The following PCNT variants were observed in gnomAD, a reference collection of about 807,000 sequenced individuals.
PCNT encodes the protein pericentrin, also known as kendrin.
PCNT carries 319 observed loss-of-function variants against 380.4 expected under a neutral mutation model. The observed-to-expected ratio is 0.84, with a 90% CI of 0.77 to 0.92. PCNT has a LOEUF of 0.92. PCNT is among the 40% of genes least tolerant of loss of function. The probability of loss-of-function intolerance (pLI) is 0.00; values close to 1 mark genes in which losing one functional copy is unlikely to be tolerated. For synonymous variants in PCNT, 1,845 were observed against 1,735.2 expected (o/e 1.06, Z -1.57); for missense variants, 4,400 against 4,255.3 (o/e 1.03, Z -0.95).
chr21:46,421,923 C>A (rs888644092), intron 31 of PCNT, 47 bp from the exon 32 acceptor site: 10 of 1,604,186 alleles, frequency 6.2e-6, no homozygotes, highest in Non-Finnish European at 7.7e-6. Context: ...CCCTGGGGAA[C>A]CCCCTGGAGA....
chr21:46,423,652 A>G (rs1002595344), intron 32 of PCNT, among the ~76,000 whole-genome samples: 1 of 129,636 alleles, frequency 7.7e-6, no homozygotes, highest in Non-Finnish European at 1.6e-5. Context: ...CACAAAAGGC[A>G]GGAAAGGCCT....
Position 46,401,722 on chromosome 21 carries a change from G to A in PCNT, c.4962+1G>A. ...AGCACTCCTGCGGCGCGAGAGCGAG[G>A]TGAGTGCAGAGTGGGGCCATGGGAC... On this transcript the variant is annotated splice_donor_variant, in intron 26 of 46. Transcript: ENST00000359568. LOFTEE classifies it high-confidence loss of function. The A allele has an allele frequency of 6.2e-7, 1 of 1,614,050 alleles. No individual in the cohort carries two copies. Among genetic ancestry groups the A allele is most frequent in the Non-Finnish European group, 8.5e-7 (1 of 1,179,994 alleles).
intron 15 of PCNT, among the ~76,000 whole-genome samples, chr21:46,372,132 ACT>A (rs2085162561): frequency 6.7e-6 from 1 of 149,368 alleles, no homozygotes; most frequent in South Asian, 2.1e-4. Context: ...CATGCAGCAC[ACT>A]CACAGCACAT....
chr21:46,341,801 CCTGAGTAG>C (rs528855788), intron 3 of PCNT, among the ~76,000 whole-genome samples: 45 of 152,236 alleles, frequency 3.0e-4, no homozygotes, highest in Non-Finnish European at 5.9e-4. Context: ...TACTCAGCCT[CCTGAGTAG>C]CTGGGAACAC....
At chr21:46,442,466 T>G in intron 43 of PCNT, 31 bp from the exon 44 acceptor site, 1 of 1,422,306 alleles carries the variant, frequency 7.0e-7, no homozygotes. Context: ...TTGCCGTACT[T>G]TTAAGTGTGT....
At chr21:46,403,967 G>A (rs1263473238) in intron 27 of PCNT, among the ~76,000 whole-genome samples, 158 of 137,250 alleles carry the variant, frequency 1.2e-3, no homozygotes, top group Admixed American at 1.8e-3. Flanking sequence ...GGAGAATTGT[G>A]TGTGTGGTGC....
intron 21 of PCNT, among the ~76,000 whole-genome samples, chr21:46,395,677 C>G (rs919830858): frequency 1.1e-4 from 17 of 151,782 alleles, no homozygotes; most frequent in Admixed American, 4.6e-4. Context: ...CTTCAGGATT[C>G]AGCAGCAGAC....
rs768407552 is a variant in PCNT at position 46,363,726 on chromosome 21, G to C, written c.2401G>C (p.Asp801His). 9.9e-6 allele frequency: 16 copies of C among 1,614,112 alleles called. No homozygotes were observed. The highest frequency in any genetic ancestry group is 1.3e-5 in the Non-Finnish European group (15 of 1,180,056). ...LREAEMRQLQDQQAAQILDLE... is the reference protein window; with the variant it reads ...LREAEMRQLQHQQAAQILDLE... ...AGAAGCTGAAATGAGGCAGCTTCAG[G>C]ACCAACAGGCAGCCCAGATCCTGGA... Residue 801 changes from aspartate (D) to histidine (H), a missense_variant, in exon 14 of 47, where the codon GAC becomes CAC. Transcript: ENST00000359568.
At chr21:46,361,916 T>G (rs1031677626) in intron 13 of PCNT, among the ~76,000 whole-genome samples, 1 of 152,218 alleles carries the variant, frequency 6.6e-6, no homozygotes, top group Non-Finnish European at 1.5e-5. Flanking sequence ...TTCCATTGAT[T>G]GTGTTTTCTC....
chr21:46,436,003 C>G lies in PCNT; in HGVS notation c.8851C>G (p.Arg2951Gly). The change falls in exon 39 of 47, where the codon CGC becomes GGC. Residue 2951 changes from arginine to glycine, a missense_variant. Physicochemically the swap from Arg to Gly is moderately radical, Grantham distance 125. Transcript: ENST00000359568. The stretch of plus-strand genomic sequence containing the variant: ...GTCGAAGGACGAGGTGCCTGGCAGC[C>G]GCCTCCACCTAGGTTCTGCCCGCAG... ...LESKDEVPGS[R>G]LHLGSARRAA... 1.2e-6 allele frequency: 2 copies of G among 1,614,136 alleles called. No individual in the cohort carries two copies. Among genetic ancestry groups the G allele is most frequent in the Non-Finnish European group, 1.7e-6 (2 of 1,180,028 alleles).
rs1167787059 is a variant in PCNT at position 46,411,763 on chromosome 21, C to T, written c.5690C>T (p.Ala1897Val). ...HSAELEAVLL[A>V]LARIRRALEQ... ...GCCGAGCTGGAGGCCGTCCTGTTGG[C>T]CTTGGCCCGCATCCGCCGCGCCCTG... Residue 1897 changes from alanine to valine, a missense_variant, in exon 28 of 47, where the codon GCC becomes GTC. Physicochemically the swap from Ala to Val is moderately conservative, Grantham distance 64. Transcript: ENST00000359568. The T allele has an allele frequency of 6.2e-7, 1 of 1,609,454 alleles. No individual in the cohort carries two copies.
In PCNT at chr21:46,402,616, G is replaced by A. The variant is rs2086466283; in HGVS notation, c.5115+133G>A. 4.4e-6 allele frequency: 4 copies of A among 906,890 alleles called. No homozygotes were observed. The East Asian group carries it at 1.0e-4, about 23-fold the overall frequency. 56.2% of individuals were successfully genotyped at this position (906,890 alleles called of 1,614,324 possible). ...GCCCGTGGCCCCCATGTGGCAGACA[G>A]TGCAGAGAGCGCCCGATTCTGCCTG... On this transcript the variant is annotated intron_variant, in intron 27 of 46. Coordinates refer to ENST00000359568, the MANE Select transcript of PCNT (RefSeq NM_006031.6).
At chr21:46,416,942 C>G (rs141103259) in intron 30 of PCNT, 103 bp downstream of exon 30, 1 of 1,135,802 alleles carries the variant, frequency 8.8e-7, no homozygotes. Flanking sequence ...ACAGCACACA[C>G]CTCGCAGTGC....
At chr21:46,400,167 A>G (rs1451226088) in intron 25 of PCNT, among the ~76,000 whole-genome samples, 1 of 152,230 alleles carries the variant, frequency 6.6e-6, no homozygotes, top group Admixed American at 6.5e-5. Flanking sequence ...CTTTGAGCTC[A>G]GGAACTCATG....
chr21:46,352,789 T>C (rs1424379627), intron 9 of PCNT, among the ~76,000 whole-genome samples: 3 of 152,098 alleles, frequency 2.0e-5, no homozygotes, highest in Non-Finnish European at 2.9e-5. Context: ...GGGCTCGAGG[T>C]TGGTCTGGAT....
At chr21:46,412,774 C>G (rs2086831483) in intron 28 of PCNT, 63 bp from the exon 29 acceptor site, 1 of 1,583,920 alleles carries the variant, frequency 6.3e-7, no homozygotes, top group South Asian at 1.1e-5. Flanking sequence ...TCCAGGCCAC[C>G]TGAGGGGCAG....
chr21:46,354,069 G>A lies in PCNT; in HGVS notation c.1761+1G>A, dbSNP rs1396521603. 6.2e-7 allele frequency: 1 copy of A among 1,613,716 alleles called. No homozygotes were observed. Among genetic ancestry groups the A allele is most frequent in the Admixed American group, 1.7e-5 (1 of 60,014 alleles). On this transcript the variant is annotated splice_donor_variant, in intron 11 of 46. Coordinates refer to ENST00000359568, the MANE Select transcript of PCNT (RefSeq NM_006031.6). LOFTEE classifies it high-confidence loss of function. ...TGAACTCGAGCCTGAGCGACATAAG[G>A]TAATTGGCCGCGCGCTGAGAAGTGG...
At chr21:46,366,266 G>A (rs1236293615) in intron 14 of PCNT, among the ~76,000 whole-genome samples, 1 of 152,174 alleles carries the variant, frequency 6.6e-6, no homozygotes, top group African/African-American at 2.4e-5. Flanking sequence ...GGTTGTGCCT[G>A]CCGTGCGTGG....
chr21:46,407,340 CT>C (rs899881614), intron 27 of PCNT, among the ~76,000 whole-genome samples: 83 of 106,420 alleles, frequency 7.8e-4, no homozygotes, highest in South Asian at 1.9e-3. Flanking sequence ...TATACTTTCT[CT>C]TTTTTTTTTT....
Sources: gnomAD v4.1 joint callset for allele counts (sites outside exome capture counted in the v4.1 genomes callset) on GRCh38, gnomAD v4.1.1 for gene constraint, MANE v1.5 for transcripts, NCBI Gene and HGNC (gene_info 2026-07-23, HGNC 2026-07-21) for gene names.